CMTM7: variants seen among roughly 807,000 people sequenced by gnomAD.
CMTM7 encodes the protein CKLF-like MARVEL transmembrane domain-containing protein 7.
In CMTM7, 7 loss-of-function variants were observed where a neutral mutation model predicts 19.3. The observed-to-expected ratio is 0.36, with a 90% CI of 0.21 to 0.68. The LOEUF (loss-of-function observed/expected upper bound fraction) is 0.68, where lower values mean the gene tolerates loss of function less well. Among genes scored for constraint, CMTM7 ranks in the 30% least tolerant of loss-of-function variants. The pLI, the probability that CMTM7 is intolerant of heterozygous loss-of-function variation, is 0.60. For synonymous variants in CMTM7, 87 were observed against 99.3 expected (o/e 0.88, Z 0.74); for missense variants, 193 against 232.6 (o/e 0.83, Z 1.11).
intron 3 of CMTM7, among the ~76,000 whole-genome samples, chr3:32,450,014 G>A (rs1461092847): frequency 2.0e-5 from 3 of 152,090 alleles, no homozygotes; most frequent in African/African-American, 4.8e-5. Flanking sequence ...TAATACTCCT[G>A]TATCTTTCAG....
intron 1 of CMTM7, among the ~76,000 whole-genome samples, chr3:32,409,905 T>C (rs1299207869): frequency 6.6e-6 from 1 of 152,256 alleles, no homozygotes; most frequent in African/African-American, 2.4e-5. Flanking sequence ...AAGCCTTAGC[T>C]CAGATGTCAC....
At chr3:32,395,982 C>T (rs1425942957) in intron 1 of CMTM7, among the ~76,000 whole-genome samples, 1 of 152,082 alleles carries the variant, frequency 6.6e-6, no homozygotes, top group Non-Finnish European at 1.5e-5. Flanking sequence ...AGTACTGATG[C>T]GTGTAACCAT....
intron 1 of CMTM7, among the ~76,000 whole-genome samples, chr3:32,438,175 G>A (rs945516745): frequency 4.6e-5 from 7 of 152,328 alleles, no homozygotes; most frequent in East Asian, 1.9e-4. Context: ...CTGGGAACAC[G>A]AAGACACCTG....
At chr3:32,393,133 G>A (rs1159953548) in intron 1 of CMTM7, among the ~76,000 whole-genome samples, 1 of 152,116 alleles carries the variant, frequency 6.6e-6, no homozygotes, top group African/African-American at 2.4e-5. Flanking sequence ...CAGGGGGTTG[G>A]GCACAGGACG....
chr3:32,426,995 T>C (rs1284134903), intron 1 of CMTM7, among the ~76,000 whole-genome samples: 1 of 152,248 alleles, frequency 6.6e-6, no homozygotes, highest in Non-Finnish European at 1.5e-5. Context: ...ATTGACTGAT[T>C]TTACCCTCAT....
chr3:32,411,658 C>T (rs562679602), intron 1 of CMTM7, among the ~76,000 whole-genome samples: 2 of 152,340 alleles, frequency 1.3e-5, no homozygotes, highest in South Asian at 2.1e-4. Context: ...AGGTGCTCTA[C>T]TCTTGTCTCT....
At chr3:32,427,946 C>T (rs1696458678) in intron 1 of CMTM7, among the ~76,000 whole-genome samples, 1 of 152,214 alleles carries the variant, frequency 6.6e-6, no homozygotes, top group South Asian at 2.1e-4. Context: ...ATAGCCTCTT[C>T]TGAGGAAGCT....
intron 1 of CMTM7, among the ~76,000 whole-genome samples, chr3:32,412,555 C>T (rs1167917867): frequency 1.7e-5 from 2 of 118,756 alleles, no homozygotes; most frequent in Non-Finnish European, 3.7e-5. Flanking sequence ...TCATTAATTC[C>T]TCCAGCAGTT....
chr3:32,412,356 G>C (rs191103764), intron 1 of CMTM7, among the ~76,000 whole-genome samples: 2 of 151,916 alleles, frequency 1.3e-5, no homozygotes, highest in African/African-American at 4.8e-5. Context: ...GTATGGTGGC[G>C]CACGCCTCTA....
intron 3 of CMTM7, among the ~76,000 whole-genome samples, chr3:32,450,168 G>A (rs1292571715): frequency 1.3e-5 from 2 of 152,106 alleles, no homozygotes; most frequent in African/African-American, 2.4e-5. Flanking sequence ...ATAGATTCCT[G>A]TCATCTGATT....
intron 1 of CMTM7, among the ~76,000 whole-genome samples, chr3:32,425,604 G>A (rs754003024): frequency 1.3e-5 from 2 of 152,058 alleles, no homozygotes; most frequent in Non-Finnish European, 2.9e-5. Flanking sequence ...TAAGACCATT[G>A]ATTTTTATAA....
intron 3 of CMTM7, chr3:32,451,461 T>C (rs1696830222): frequency 1.3e-5 from 2 of 152,524 alleles, no homozygotes; most frequent in African/African-American, 2.4e-5. Flanking sequence ...GCAAAACAGA[T>C]GACCGCCTGT....
intron 1 of CMTM7, among the ~76,000 whole-genome samples, chr3:32,425,063 A>G (rs910991027): frequency 6.6e-6 from 1 of 152,196 alleles, no homozygotes; most frequent in Non-Finnish European, 1.5e-5. Flanking sequence ...AGCCAGATGG[A>G]AAGGACTGAA....
chr3:32,393,732 T>A (rs1695873758), intron 1 of CMTM7, among the ~76,000 whole-genome samples: 1 of 143,768 alleles, frequency 7.0e-6, no homozygotes, highest in Non-Finnish European at 1.5e-5. Context: ...CAGTGAACTG[T>A]GCCACTGCAC....
intron 4 of CMTM7, among the ~76,000 whole-genome samples, chr3:32,452,757 CT>C (rs369537908): frequency 1.4e-3 from 199 of 140,570 alleles, no homozygotes; most frequent in Middle Eastern, 3.7e-3. Flanking sequence ...CTTTACTTTT[CT>C]TTTTTTTTTT....
intron 1 of CMTM7, among the ~76,000 whole-genome samples, chr3:32,416,989 T>A (rs1480162747): frequency 6.6e-6 from 1 of 152,234 alleles, no homozygotes; most frequent in Admixed American, 6.5e-5. Context: ...TTAAGTTTTT[T>A]AAATAAGAGC....
At chr3:32,399,250 T>C (rs1695965033) in intron 1 of CMTM7, among the ~76,000 whole-genome samples, 1 of 150,516 alleles carries the variant, frequency 6.6e-6, no homozygotes, top group African/African-American at 2.5e-5. Flanking sequence ...TTTGGAATTT[T>C]ATGGAACCTT....
At chr3:32,447,673 T>C (rs993453963) in intron 2 of CMTM7, among the ~76,000 whole-genome samples, 6 of 152,226 alleles carry the variant, frequency 3.9e-5, no homozygotes, top group Non-Finnish European at 5.9e-5. Context: ...TTCATTGTTA[T>C]AAAATGTCCC....
At chr3:32,425,756 C>G (rs935924038) in intron 1 of CMTM7, among the ~76,000 whole-genome samples, 7 of 152,156 alleles carry the variant, frequency 4.6e-5, no homozygotes, top group African/African-American at 1.7e-4. Flanking sequence ...TCTAGAAAAA[C>G]ACCTTAGAAC....
Sources: gnomAD v4.1 joint callset for allele counts (sites outside exome capture counted in the v4.1 genomes callset) on GRCh38, gnomAD v4.1.1 for gene constraint, MANE v1.5 for transcripts, NCBI Gene and HGNC (gene_info 2026-07-23, HGNC 2026-07-21) for gene names.